The following SLC35F4 variants were observed in gnomAD, a reference collection of about 807,000 sequenced individuals.
SLC35F4 encodes the protein chromosome 14 open reading frame 36.
Under a neutral mutation model 44.2 loss-of-function variants are expected in SLC35F4, and 24 were observed. That is an observed-to-expected ratio of 0.54 (90% CI 0.39 to 0.76). The LOEUF (loss-of-function observed/expected upper bound fraction) is 0.76, where lower values mean the gene tolerates loss of function less well. SLC35F4 is among the 30% of genes least tolerant of loss of function. SLC35F4 has a pLI of 0.00. For missense variants in SLC35F4, 562 were observed against 586.1 expected (o/e 0.96, Z 0.42); for synonymous variants, 238 against 223.6 (o/e 1.06, Z -0.57).
In SLC35F4 at chr14:57,708,914, GGAGA is replaced by G. The variant is rs1230694160; in HGVS notation, c.104-114794_104-114791del. 2.6e-5 allele frequency among the ~76,000 whole-genome samples: 4 copies of G among 151,808 alleles called. No homozygotes were observed. In the East Asian group the frequency reaches 5.8e-4, roughly 22 times the overall value. ...TGGCAGCTGAGGCAGAGAGAGAGAG[GGAGA>G]GAGAGAGAGACAGCTTACACCATTA... is the stretch of plus-strand genomic sequence containing the variant. On this transcript the variant is annotated intron_variant, in intron 1 of 7. Coordinates refer to ENST00000556826, the MANE Select transcript of SLC35F4 (RefSeq NM_001306087.2).
Position 57,589,364 on chromosome 14 carries a change from G to A in SLC35F4, c.439C>T (p.Gln147Ter). ...TTCTTATAAGTAATTTTTACAATCTGTGTAGTTCCAACCCAAGATGATGAT... is the reference window on the plus strand; with the variant it reads ...TTCTTATAAGTAATTTTTACAATCTATGTAGTTCCAACCCAAGATGATGAT... ...SVSSSWVGTT[Q>*]IVKITYKNFY... The change falls in exon 3 of 8, where the codon CAG becomes TAG. Residue 147 changes from glutamine (Q) to a stop codon, truncating the protein, a stop_gained. Transcript: ENST00000556826. LOFTEE classifies it high-confidence loss of function. 6.2e-7 allele frequency: 1 copy of A among 1,613,962 alleles called. No homozygotes were observed. Among genetic ancestry groups the A allele is most frequent in the Non-Finnish European group, 8.5e-7 (1 of 1,179,884 alleles).
chr14:57,860,745 A>G (rs886636599), intron 1 of SLC35F4, among the ~76,000 whole-genome samples: 13 of 152,202 alleles, frequency 8.5e-5, no homozygotes, highest in African/African-American at 2.9e-4. Flanking sequence ...TTCTTATAGC[A>G]TACAAACCAC....
rs574167355 is a variant in SLC35F4 at position 57,662,487 on chromosome 14, G to C, written c.104-68363C>G. 3.3e-5 allele frequency among the ~76,000 whole-genome samples: 5 copies of C among 152,262 alleles called. 1 individual carries two copies. Among genetic ancestry groups the C allele is most frequent in the South Asian group, 2.1e-4 (1 of 4,814 alleles). On this transcript the variant is annotated intron_variant, in intron 1 of 7. Coordinates refer to ENST00000556826, the MANE Select transcript of SLC35F4 (RefSeq NM_001306087.2). ...TTCTCATGGGACCAGGTTAGTTCTT[G>C]TTAGAGCAGGTTGTTATAAGCCTAG... is the stretch of plus-strand genomic sequence containing the variant.
intron 1 of SLC35F4, among the ~76,000 whole-genome samples, chr14:57,933,660 A>G (rs1390068915): frequency 6.6e-6 from 1 of 152,240 alleles, no homozygotes; most frequent in African/African-American, 2.4e-5. Flanking sequence ...GCTGGCTGTC[A>G]TCTCCTCATT....
intron 1 of SLC35F4, among the ~76,000 whole-genome samples, chr14:57,917,787 A>T (rs569606759): frequency 6.6e-6 from 1 of 152,310 alleles, no homozygotes; most frequent in South Asian, 2.1e-4. Context: ...TCCCGTTACC[A>T]AGTTAGTGAG....
At chr14:57,701,346 A>T (rs2075534278) in intron 1 of SLC35F4, among the ~76,000 whole-genome samples, 1 of 152,162 alleles carries the variant, frequency 6.6e-6, no homozygotes, top group South Asian at 2.1e-4. Flanking sequence ...CTCCTGAAAG[A>T]CCTGCCTGAG....
At chr14:57,847,570 C>T (rs1029126838) in intron 1 of SLC35F4, among the ~76,000 whole-genome samples, 2 of 151,990 alleles carry the variant, frequency 1.3e-5, no homozygotes, top group African/African-American at 2.4e-5. Context: ...CCATGATATC[C>T]TATAATACAA....
chr14:57,892,954 T>C (rs1219817554), intron 1 of SLC35F4, among the ~76,000 whole-genome samples: 1 of 152,224 alleles, frequency 6.6e-6, no homozygotes, highest in South Asian at 2.1e-4. Context: ...GCTCTTATTA[T>C]AGGTTATGTT....
At chr14:57,874,721 G>A (rs1888363392) in intron 1 of SLC35F4, among the ~76,000 whole-genome samples, 1 of 152,058 alleles carries the variant, frequency 6.6e-6, no homozygotes, top group South Asian at 2.1e-4. Context: ...TACTCATGTT[G>A]CCATCCCTCC....
intron 1 of SLC35F4, among the ~76,000 whole-genome samples, chr14:57,728,168 T>C (rs1350308081): frequency 2.0e-5 from 3 of 152,218 alleles, no homozygotes; most frequent in Non-Finnish European, 2.9e-5. Flanking sequence ...AGTTTTTGTC[T>C]TGAAATATAT....
chr14:57,770,047 T>C (rs1038194262), intron 1 of SLC35F4, among the ~76,000 whole-genome samples: 25 of 152,206 alleles, frequency 1.6e-4, no homozygotes, highest in Non-Finnish European at 4.4e-5. Flanking sequence ...AAACAAAATT[T>C]AAACTCTGTT....
chr14:57,605,139 T>A (rs1270578029), intron 1 of SLC35F4, among the ~76,000 whole-genome samples: 1 of 152,030 alleles, frequency 6.6e-6, no homozygotes, highest in Non-Finnish European at 1.5e-5. Context: ...AGCTTCTGCA[T>A]AGAAAGAAAA....
rs76638896 is a variant in SLC35F4 at position 57,817,631 on chromosome 14, C to T, written c.103+48092G>A. On this transcript the variant is annotated intron_variant, in intron 1 of 7. Transcript: ENST00000556826. Reference sequence around the variant, plus strand: ...AGTGGAGAATACATATGAGACAGGTCTTCAGGGTTTTACAAGCAGAAAATG... The same window carrying T: ...AGTGGAGAATACATATGAGACAGGTTTTCAGGGTTTTACAAGCAGAAAATG... Among the ~76,000 whole-genome samples the T allele has an allele frequency of 6.0e-3, 908 of 152,062 alleles. 6 individuals carry two copies. Among genetic ancestry groups the T allele is most frequent in the East Asian group, 0.02 (104 of 5,154 alleles).
intron 1 of SLC35F4, among the ~76,000 whole-genome samples, chr14:57,898,097 C>T (rs1291942342): frequency 1.3e-5 from 2 of 151,902 alleles, no homozygotes; most frequent in Non-Finnish European, 2.9e-5. Flanking sequence ...TTGTTTTAAA[C>T]AGAAACTCTG....
downstream of SLC35F4, among the ~76,000 whole-genome samples, chr14:57,972,439 G>C (rs529672579): frequency 1.3e-5 from 2 of 151,772 alleles, no homozygotes; most frequent in African/African-American, 4.8e-5. Flanking sequence ...AAAGATTTGA[G>C]CTAAATTTTT....
chr14:57,666,369 CT>C (rs138201396), intron 1 of SLC35F4, among the ~76,000 whole-genome samples: 9,181 of 152,222 alleles, frequency 0.06, 406 homozygotes, highest in South Asian at 0.091. Context: ...AATCAATGAC[CT>C]TTAGGTTTCC....
chr14:57,682,521 G>A lies in SLC35F4; in HGVS notation c.104-88397C>T, dbSNP rs141320652. Reference sequence around the variant, plus strand: ...GGGGCTAGGGGAGGGATAGCATTAGGAGAAATACATAATGTAGATGACGGA... The same window carrying A: ...GGGGCTAGGGGAGGGATAGCATTAGAAGAAATACATAATGTAGATGACGGA... On this transcript the variant is annotated intron_variant, in intron 1 of 7. Transcript: ENST00000556826. Among the ~76,000 whole-genome samples, 1,347 of 152,072 alleles carry A rather than the reference G, an allele frequency of 8.9e-3. 24 individuals are homozygous for A. Among genetic ancestry groups the A allele is most frequent in the African/African-American group, 0.031 (1,265 of 41,470 alleles).
intron 1 of SLC35F4, among the ~76,000 whole-genome samples, chr14:57,744,858 A>G (rs2076713034): frequency 6.6e-6 from 1 of 152,230 alleles, no homozygotes; most frequent in Admixed American, 6.5e-5. Flanking sequence ...AGGCTACAGT[A>G]GCCAAAACAG....
chr14:57,770,692 T>C (rs1244895966), intron 1 of SLC35F4, among the ~76,000 whole-genome samples: 3 of 152,134 alleles, frequency 2.0e-5, no homozygotes, highest in Non-Finnish European at 4.4e-5. Flanking sequence ...TATTTGTGAT[T>C]TGCAAGGATT....
Sources: gnomAD v4.1 joint callset for allele counts (sites outside exome capture counted in the v4.1 genomes callset) on GRCh38, gnomAD v4.1.1 for gene constraint, MANE v1.5 for transcripts, NCBI Gene and HGNC (gene_info 2026-07-23, HGNC 2026-07-21) for gene names.